RIPOR2: variants seen among roughly 807,000 people sequenced by gnomAD.
RIPOR2 encodes rho family-interacting cell polarization regulator 2.
In RIPOR2, 39 loss-of-function variants were observed where a neutral mutation model predicts 114.5. The observed-to-expected ratio is 0.34, with a 90% CI of 0.26 to 0.44. The LOEUF is 0.44. Among genes scored for constraint, RIPOR2 ranks in the 20% least tolerant of loss-of-function variants. The probability of loss-of-function intolerance (pLI) is 1.00; values close to 1 mark genes in which losing one functional copy is unlikely to be tolerated. For synonymous variants in RIPOR2, 445 were observed against 484.4 expected (o/e 0.92, Z 1.07); for missense variants, 1,007 against 1,255.1 (o/e 0.80, Z 2.99).
chr6:24,860,333 T>G (rs4236034), intron 8 of RIPOR2, among the ~76,000 whole-genome samples: 125,158 of 152,092 alleles, frequency 0.82, 51,584 homozygotes, highest in Middle Eastern at 0.84. Flanking sequence ...GAAAAAAAGG[T>G]AGGGAGAGGT....
At position 24,832,446 on chromosome 6, in the gene RIPOR2, C is replaced by T. The variant is rs1760763396; in HGVS notation, c.2209-55G>A. ...ATTATGTTGTTTTCAGTAGAGCTTT[C>T]TCTACCCAGCCTCATCCTTCCTGAA... On this transcript the variant is annotated intron_variant, in intron 15 of 21. Transcript: ENST00000643898. 7 of 1,496,760 alleles carry T rather than the reference C, an allele frequency of 4.7e-6. No homozygotes were observed. In the Admixed American group the frequency reaches 7.9e-5, roughly 17 times the overall value. 92.7% of individuals were successfully genotyped at this position (1,496,760 alleles called of 1,614,324 possible).
intron 1 of RIPOR2, among the ~76,000 whole-genome samples, chr6:24,893,031 TA>T (rs888825529): frequency 6.6e-6 from 1 of 152,106 alleles, no homozygotes; most frequent in Admixed American, 6.5e-5. Flanking sequence ...ACCCTGTCTC[TA>T]AAAAAACCAA....
chr6:25,001,603 C>T (rs1197019902), intron 1 of RIPOR2, among the ~76,000 whole-genome samples: 8 of 109,140 alleles, frequency 7.3e-5, no homozygotes, highest in African/African-American at 1.1e-4. Context: ...TCAGCCTGGG[C>T]GACAGAGCGA....
intron 1 of RIPOR2, among the ~76,000 whole-genome samples, chr6:25,031,610 T>C (rs1223467895): frequency 1.4e-5 from 2 of 147,660 alleles, no homozygotes; most frequent in African/African-American, 5.0e-5. Flanking sequence ...TATACAGATG[T>C]CTGCAATTTA....
At chr6:24,808,861 G>A (rs1780947047) in intron 21 of RIPOR2, among the ~76,000 whole-genome samples, 1 of 151,236 alleles carries the variant, frequency 6.6e-6, no homozygotes, top group South Asian at 2.1e-4. Context: ...CTGGGTTCAA[G>A]TGATTCTCCT....
intron 14 of RIPOR2, among the ~76,000 whole-genome samples, chr6:24,836,589 C>T (rs1761133590): frequency 6.6e-6 from 1 of 152,134 alleles, no homozygotes; most frequent in South Asian, 2.1e-4. Flanking sequence ...ACATGATTAG[C>T]AGAGATTTTG....
intron 1 of RIPOR2, among the ~76,000 whole-genome samples, chr6:24,959,876 G>A (rs558814675): frequency 5.1e-4 from 78 of 152,234 alleles, no homozygotes; most frequent in Non-Finnish European, 9.0e-4. Context: ...ATTCTGGGGG[G>A]TCAATGTTAT....
Position 25,041,077 on chromosome 6 carries a change from C to G in RIPOR2, c.76+774G>C, listed in dbSNP as rs543266870. ...ATGTCAGTTGTCATTTATCATCATG[C>G]TTTCACTATCATTTTTCTCACAACA... is the stretch of plus-strand genomic sequence containing the variant. On this transcript the variant is annotated intron_variant, in intron 1 of 13. Coordinates refer to the RIPOR2 transcript ENST00000510784. Among the ~76,000 whole-genome samples the G allele has an allele frequency of 1.2e-3, 183 of 152,292 alleles. 2 individuals are homozygous for G. The highest frequency in any genetic ancestry group is 4.2e-3 in the African/African-American group (174 of 41,556).
intron 13 of RIPOR2, chr6:24,840,340 G>C: frequency 9.3e-7 from 1 of 1,078,116 alleles, no homozygotes; most frequent in South Asian, 2.7e-5. Context: ...TGCCTCAAAG[G>C]GAACAAGTCC....
chr6:24,957,748 G>T (rs984897306), intron 1 of RIPOR2, among the ~76,000 whole-genome samples: 1 of 152,154 alleles, frequency 6.6e-6, no homozygotes. Flanking sequence ...GGTGGCAGGC[G>T]CCTGTAGTCC....
intron 1 of RIPOR2, among the ~76,000 whole-genome samples, chr6:24,975,959 T>G (rs1419198616): frequency 2.0e-5 from 3 of 152,180 alleles, no homozygotes; most frequent in Non-Finnish European, 4.4e-5. Context: ...CTATATACAC[T>G]TAATGATGAT....
Position 24,871,129 on chromosome 6 carries a change from T to C in RIPOR2, c.424-240A>G, listed in dbSNP as rs2747666. On this transcript the variant is annotated intron_variant, in intron 4 of 21. Transcript: ENST00000643898. Reference sequence around the variant, plus strand: ...GTACATTTAAGAGCTGACATTTATTTACAGTCTGTTTCTAGCATTGCATGC... The same window carrying C: ...GTACATTTAAGAGCTGACATTTATTCACAGTCTGTTTCTAGCATTGCATGC... Among the ~76,000 whole-genome samples the C allele has an allele frequency of 0.2, 30,885 of 152,128 alleles. 3,205 individuals are homozygous for C. Among genetic ancestry groups the C allele is most frequent in the South Asian group, 0.23 (1,105 of 4,820 alleles).
chr6:24,919,389 T>A (rs530421906), intron 1 of RIPOR2, among the ~76,000 whole-genome samples: 18 of 152,360 alleles, frequency 1.2e-4, no homozygotes, highest in African/African-American at 3.6e-4. Flanking sequence ...ACAGCAATGG[T>A]AACAAATCCA....
chr6:24,987,492 CAG>C (rs1774580951), intron 1 of RIPOR2, among the ~76,000 whole-genome samples: 1 of 152,172 alleles, frequency 6.6e-6, no homozygotes, highest in Non-Finnish European at 1.5e-5. Context: ...GGTCATGGAA[CAG>C]AGAGGCTCAC....
Position 24,843,502 on chromosome 6 carries a change from A to G in RIPOR2, c.1217T>C (p.Met406Thr). The G allele has an allele frequency of 6.4e-7, 1 of 1,554,240 alleles. No individual in the cohort carries two copies. Among genetic ancestry groups the G allele is most frequent in the South Asian group, 1.2e-5 (1 of 83,658 alleles). ...GTCACTGAAGCTGAGCGACAGTGGC[A>G]TTTTCTCCTCGGCTGCCTTTCCATT... ...FENGKAAEEK[M>T]PLSLSFSDLP... The change falls in exon 13 of 22, where the codon ATG becomes ACG. Residue 406 changes from methionine to threonine, a missense_variant. Transcript: ENST00000643898.
chr6:24,842,991 T>C lies in RIPOR2; in HGVS notation c.1728A>G (p.Arg576=). Residue 576 remains arginine, a synonymous_variant, in exon 13 of 22, where the codon AGA becomes AGG. Transcript: ENST00000643898. ...CCTCTAAGCTTCCATCTAGAAAGGA[T>C]CTGCAGCCTTCAGATTCTCCACCAA... The part of the protein sequence containing the change: ...GSVGGESEGC[R]SFLDGSLEDA... 6.3e-7 allele frequency: 1 copy of C among 1,584,136 alleles called. No individual in the cohort carries two copies. The highest frequency in any genetic ancestry group is 1.4e-5 in the African/African-American group (1 of 73,878).
intron 1 of RIPOR2, among the ~76,000 whole-genome samples, chr6:24,934,758 G>A (rs1771643237): frequency 6.6e-6 from 1 of 152,240 alleles, no homozygotes; most frequent in East Asian, 1.9e-4. Context: ...TTTGCCTATA[G>A]CCCAATCTCA....
In RIPOR2 at chr6:24,883,886, C is replaced by T. The variant is rs116493302; in HGVS notation, c.62-8069G>A. On this transcript the variant is annotated intron_variant, in intron 1 of 21. Coordinates refer to ENST00000643898, the MANE Select transcript of RIPOR2 (RefSeq NM_001286445.3). The surrounding 1 kb of genome is among the most constrained non-coding windows in gnomAD (Gnocchi z 4.1). ...TAACAATGCCATCCTGTTTATGCTC[C>T]CCCACATCGTGGTCAAAAGCAGATG... Among the ~76,000 whole-genome samples the T allele has an allele frequency of 4.6e-3, 706 of 152,256 alleles. 3 individuals are homozygous for T. The highest frequency in any genetic ancestry group is 7.0e-3 in the Non-Finnish European group (479 of 68,018).
At chr6:24,852,730 C>T in intron 8 of RIPOR2, 112 bp from the exon 9 acceptor site, 1 of 763,942 alleles carries the variant, frequency 1.3e-6, no homozygotes, top group East Asian at 3.0e-5. Context: ...TGTGCAAACT[C>T]ACATAACACT....
Sources: gnomAD v4.1 joint callset for allele counts (sites outside exome capture counted in the v4.1 genomes callset) on GRCh38, gnomAD v4.1.1 for gene constraint, Gnocchi (gnomAD v3.1) non-coding constraint, MANE v1.5 for transcripts, NCBI Gene and HGNC (gene_info 2026-07-23, HGNC 2026-07-21) for gene names.